Variants in FAT3 observed in about 807,000 individuals in gnomAD.
The protein encoded by FAT3 is protocadherin Fat 3.
A neutral mutation model predicts 310.2 loss-of-function variants in FAT3; 95 were observed. The ratio of observed to expected loss-of-function variants is 0.31; its 90% CI spans 0.26 to 0.36. The LOEUF (loss-of-function observed/expected upper bound fraction) is 0.36, where lower values mean the gene tolerates loss of function less well. Ranked by LOEUF, FAT3 falls within the 10% of genes least tolerant of loss-of-function variation. The pLI is 1.00. For missense variants in FAT3, 5,408 were observed against 5,715.6 expected, an observed-to-expected ratio of 0.95 and a Z score of 1.74; for synonymous variants, 2,314 against 2,192.9, an observed-to-expected ratio of 1.06 and a Z score of -1.54.
intron 14 of FAT3, 70 bp from the exon 15 acceptor site, chr11:92,834,800 C>A: frequency 1.5e-6 from 2 of 1,301,270 alleles, no homozygotes; most frequent in Admixed American, 4.8e-5. Flanking sequence ...AGAAATATTA[C>A]CATGATTATA....
At chr11:92,720,610 G>A (rs1459365460) in intron 4 of FAT3, among the ~76,000 whole-genome samples, 1 of 152,320 alleles carries the variant, frequency 6.6e-6, no homozygotes, top group East Asian at 1.9e-4. Flanking sequence ...GTGGTGAAAA[G>A]TGTTTTCTAA....
chr11:92,270,159 C>T (rs1169715322), intron 1 of FAT3, among the ~76,000 whole-genome samples: 2 of 152,092 alleles, frequency 1.3e-5, no homozygotes, highest in East Asian at 3.9e-4. Flanking sequence ...GTACATATGA[C>T]TACTTCCATC....
chr11:92,550,603 A>G (rs1954778053), intron 3 of FAT3, among the ~76,000 whole-genome samples: 1 of 152,098 alleles, frequency 6.6e-6, no homozygotes, highest in Admixed American at 6.6e-5. Flanking sequence ...CTGCTAAGAC[A>G]GTCATTCACA....
intron 3 of FAT3, among the ~76,000 whole-genome samples, chr11:92,620,331 A>G (rs574887026): frequency 5.1e-4 from 77 of 152,302 alleles, no homozygotes; most frequent in African/African-American, 1.8e-3. Flanking sequence ...CTCTGTTGCC[A>G]CTGAATATAG....
At chr11:92,487,101 C>G (rs1241494921) in intron 2 of FAT3, among the ~76,000 whole-genome samples, 1 of 152,136 alleles carries the variant, frequency 6.6e-6, no homozygotes, top group Non-Finnish European at 1.5e-5. Flanking sequence ...AATGGGGTCC[C>G]CACTTAGTAA....
At chr11:92,738,681 AT>A (rs1356841626) in intron 4 of FAT3, among the ~76,000 whole-genome samples, 1 of 152,202 alleles carries the variant, frequency 6.6e-6, no homozygotes, top group Non-Finnish European at 1.5e-5. Context: ...TGCAACAAAT[AT>A]GTTTAGTTAA....
intron 3 of FAT3, among the ~76,000 whole-genome samples, chr11:92,690,915 A>G (rs1192082837): frequency 6.6e-6 from 1 of 152,224 alleles, no homozygotes; most frequent in African/African-American, 2.4e-5. Context: ...TTCCCTATTT[A>G]AAAGCACGTA....
intron 4 of FAT3, among the ~76,000 whole-genome samples, chr11:92,707,289 A>C (rs1428913211): frequency 1.3e-5 from 2 of 152,182 alleles, no homozygotes; most frequent in Non-Finnish European, 1.5e-5. Flanking sequence ...TGCTCTGCTC[A>C]CCCATGGTGC....
At chr11:92,424,216 T>C (rs1379149193) in intron 2 of FAT3, among the ~76,000 whole-genome samples, 1 of 152,154 alleles carries the variant, frequency 6.6e-6, no homozygotes, top group Admixed American at 6.6e-5. Context: ...GTTGTGACCT[T>C]GTGGTTTCTT....
intron 2 of FAT3, among the ~76,000 whole-genome samples, chr11:92,422,688 G>A (rs1950556460): frequency 6.6e-6 from 1 of 152,006 alleles, no homozygotes; most frequent in Admixed American, 6.6e-5. Context: ...TGTAGTAAGA[G>A]GAACAAAAGG....
chr11:92,368,288 A>C (rs1162797410), intron 2 of FAT3, among the ~76,000 whole-genome samples: 1 of 152,206 alleles, frequency 6.6e-6, no homozygotes, highest in Non-Finnish European at 1.5e-5. Flanking sequence ...CTCCAAAGTC[A>C]CAACTTGTTA....
At chr11:92,489,293 T>C (rs1427089517) in intron 2 of FAT3, among the ~76,000 whole-genome samples, 2 of 152,150 alleles carry the variant, frequency 1.3e-5, no homozygotes, top group African/African-American at 4.8e-5. Flanking sequence ...TTACAATATA[T>C]ATTTGATGAA....
chr11:92,799,130 A>T lies in FAT3; in HGVS notation c.6117A>T (p.Gly2039=), dbSNP rs944113084. 1.9e-5 allele frequency: 31 copies of T among 1,613,866 alleles called. No homozygotes were observed. Among genetic ancestry groups the T allele is most frequent in the Non-Finnish European group, 2.0e-5 (24 of 1,179,876 alleles). ...CCTCAGGGGTCATTCAGACGACTGGAGTCCCCTTTGACCGTGAAGAACAAG... is the reference window on the plus strand; with the variant it reads ...CCTCAGGGGTCATTCAGACGACTGGTGTCCCCTTTGACCGTGAAGAACAAG... ...KSTSGVIQTT[G]VPFDREEQEL... Residue 2039 remains glycine (G), a synonymous_variant, in exon 10 of 28, where the codon GGA becomes GGT. Coordinates refer to ENST00000525166, the MANE Select transcript of FAT3 (RefSeq NM_001367949.2).
chr11:92,558,402 ATGTGTGTG>A (rs58362077), intron 3 of FAT3, among the ~76,000 whole-genome samples: 7 of 150,140 alleles, frequency 4.7e-5, no homozygotes, highest in South Asian at 2.1e-4. Context: ...TGTTGTGTTT[ATGTGTGTG>A]TGTGTGTGTG....
intron 1 of FAT3, among the ~76,000 whole-genome samples, chr11:92,344,548 C>T (rs1256708362): frequency 1.3e-5 from 2 of 152,122 alleles, no homozygotes; most frequent in Non-Finnish European, 2.9e-5. Context: ...ACACTGCTTC[C>T]TTTAAGTGAA....
chr11:92,770,026 G>A (rs1166821801), intron 6 of FAT3, among the ~76,000 whole-genome samples: 2 of 152,192 alleles, frequency 1.3e-5, no homozygotes, highest in African/African-American at 4.8e-5. Context: ...TCTAGCGAAA[G>A]ACTCTTACCC....
At chr11:92,363,799 G>T (rs558243494) in intron 2 of FAT3, among the ~76,000 whole-genome samples, 49 of 152,058 alleles carry the variant, frequency 3.2e-4, no homozygotes, top group Non-Finnish European at 5.1e-4. Context: ...TAGACTTTTT[G>T]ACCATAATTA....
chr11:92,798,189 C>T lies in FAT3; in HGVS notation c.5176C>T (p.Gln1726Ter), dbSNP rs370831729. The T allele has an allele frequency of 1.9e-5, 30 of 1,613,776 alleles. No homozygotes were observed. The highest frequency in any genetic ancestry group is 9.3e-5 in the African/African-American group (7 of 74,906). ...TCCATATTCTGGAGTCATCACCACT[C>T]AGAAGGCCCTGGATTATGAGCGCAC... ...INPYSGVITTQKALDYERTSS... is the reference protein window; with the variant it reads ...INPYSGVITT The change falls in exon 10 of 28, where the codon CAG becomes TAG. Residue 1726 changes from glutamine (Q) to a stop codon, truncating the protein, a stop_gained. Transcript: ENST00000525166. LOFTEE classifies it high-confidence loss of function.
At chr11:92,551,100 C>G (rs553813177) in intron 3 of FAT3, among the ~76,000 whole-genome samples, 2 of 152,114 alleles carry the variant, frequency 1.3e-5, no homozygotes, top group African/African-American at 4.8e-5. Context: ...TCTTCACAGC[C>G]CTGATCTGAT....
Sources: gnomAD v4.1 joint callset for allele counts (sites outside exome capture counted in the v4.1 genomes callset) on GRCh38, gnomAD v4.1.1 for gene constraint, MANE v1.5 for transcripts, NCBI Gene and HGNC (gene_info 2026-07-23, HGNC 2026-07-21) for gene names.